The following MKX variants were observed in gnomAD, a reference collection of about 807,000 sequenced individuals.
MKX encodes mohawk homeobox, also known as homeobox protein Mohawk.
In MKX, 13 loss-of-function variants were observed where a neutral mutation model predicts 36.0. That is an observed-to-expected ratio of 0.36 (90% CI 0.24 to 0.57). The LOEUF (loss-of-function observed/expected upper bound fraction) is 0.57. Among genes scored for constraint, MKX ranks in the 20% least tolerant of loss-of-function variants. The pLI is 0.79. For synonymous variants in MKX, 176 were observed against 178.3 expected, an observed-to-expected ratio of 0.99 and a Z score of 0.10; for missense variants, 458 against 456.4, an observed-to-expected ratio of 1.00 and a Z score of -0.03.
At chr10:27,694,785 T>C (rs1836523879) in intron 5 of MKX, among the ~76,000 whole-genome samples, 1 of 151,270 alleles carries the variant, frequency 6.6e-6, no homozygotes, top group South Asian at 2.1e-4. Context: ...AAACAGATAG[T>C]AGTTACTGCC....
chr10:27,685,584 G>A (rs558612949), intron 5 of MKX, among the ~76,000 whole-genome samples: 3 of 152,144 alleles, frequency 2.0e-5, no homozygotes, highest in Non-Finnish European at 2.9e-5. Context: ...GAGTAGCTGG[G>A]ACTACAGGCG....
chr10:27,685,575 A>C (rs2132500029), intron 5 of MKX, among the ~76,000 whole-genome samples: 1 of 151,800 alleles, frequency 6.6e-6, no homozygotes, highest in East Asian at 1.9e-4. Context: ...CAGCCTCCCG[A>C]GTAGCTGGGA....
chr10:27,723,858 A>AT (rs1834430787), intron 5 of MKX, among the ~76,000 whole-genome samples: 1 of 152,196 alleles, frequency 6.6e-6, no homozygotes, highest in African/African-American at 2.4e-5. Context: ...TGTCTCTGCC[A>AT]TACTGGGAGA....
intron 3 of MKX, among the ~76,000 whole-genome samples, chr10:27,739,022 A>G (rs1203177604): frequency 6.6e-6 from 1 of 152,144 alleles, no homozygotes; most frequent in Non-Finnish European, 1.5e-5. Flanking sequence ...CAGAGGAGAC[A>G]GAATCTAGGA....
At chr10:27,739,032 A>T (rs890221475) in intron 3 of MKX, among the ~76,000 whole-genome samples, 4 of 152,128 alleles carry the variant, frequency 2.6e-5, no homozygotes, top group African/African-American at 9.6e-5. Context: ...AGAATCTAGG[A>T]ACATAGCAGT....
At chr10:27,736,344 G>GA (rs1834776531) in intron 3 of MKX, among the ~76,000 whole-genome samples, 1 of 151,382 alleles carries the variant, frequency 6.6e-6, no homozygotes, top group Non-Finnish European at 1.5e-5. Flanking sequence ...TGAAGGCAAA[G>GA]AAAGAAATAT....
chr10:27,707,174 C>T (rs1164643659), intron 5 of MKX, among the ~76,000 whole-genome samples: 2 of 148,268 alleles, frequency 1.3e-5, no homozygotes, highest in African/African-American at 2.4e-5. Flanking sequence ...AAGATGTGCC[C>T]CAGGGGGTTA....
intron 5 of MKX, among the ~76,000 whole-genome samples, chr10:27,692,274 G>A (rs894135787): frequency 6.6e-6 from 1 of 152,116 alleles, no homozygotes; most frequent in African/African-American, 2.4e-5. Context: ...GTCAGGTGAG[G>A]TGGTAAAACA....
intron 5 of MKX, among the ~76,000 whole-genome samples, chr10:27,696,807 T>A (rs1836562734): frequency 6.6e-6 from 1 of 152,198 alleles, no homozygotes; most frequent in Admixed American, 6.5e-5. Flanking sequence ...AGTGTTTTAC[T>A]CTTAATGGCT....
intron 5 of MKX, among the ~76,000 whole-genome samples, chr10:27,677,938 T>C (rs926716934): frequency 6.6e-6 from 1 of 152,236 alleles, no homozygotes; most frequent in African/African-American, 2.4e-5. Flanking sequence ...CCTGGATGCT[T>C]AGCTATACCT....
At chr10:27,677,092 G>A (rs1030957914) in intron 5 of MKX, among the ~76,000 whole-genome samples, 1 of 152,138 alleles carries the variant, frequency 6.6e-6, no homozygotes, top group Admixed American at 6.5e-5. Context: ...GCAAAGGAGT[G>A]GGGTTGAGAC....
intron 5 of MKX, among the ~76,000 whole-genome samples, chr10:27,731,142 A>T (rs950614967): frequency 6.6e-6 from 1 of 151,796 alleles, no homozygotes; most frequent in African/African-American, 2.4e-5. Context: ...TCAAAAAAAA[A>T]AAAAAAAAGG....
At chr10:27,686,965 A>G (rs1836367099) in intron 5 of MKX, among the ~76,000 whole-genome samples, 1 of 150,254 alleles carries the variant, frequency 6.7e-6, no homozygotes, top group African/African-American at 2.4e-5. Flanking sequence ...AGTCCCCCCA[A>G]CTAGCTCCTG....
intron 5 of MKX, among the ~76,000 whole-genome samples, chr10:27,702,745 A>G (rs1836679938): frequency 1.3e-5 from 2 of 152,200 alleles, no homozygotes; most frequent in Admixed American, 6.5e-5. Flanking sequence ...CAGCTGAATC[A>G]AACTTCTATG....
At position 27,742,570 on chromosome 10, in the gene MKX, C is replaced by T. The variant is rs534763360; in HGVS notation, c.188+658G>A. Among the ~76,000 whole-genome samples, 29 of 152,042 alleles carry T rather than the reference C, an allele frequency of 1.9e-4. No homozygotes were observed. Among genetic ancestry groups the T allele is most frequent in the African/African-American group, 7.0e-4 (29 of 41,510 alleles). On this transcript the variant is annotated intron_variant, in intron 2 of 6. Transcript: ENST00000419761. This position sits in a 1 kb window ranked among gnomAD's most constrained non-coding sequence, Gnocchi z 4.2. ...CCGGATCGGGCCAGGCAGAGCCTGC[C>T]CTCCACTCACCGGCAGTCTGAGCAG...
At chr10:27,706,545 C>CTGTGTG (rs60800576) in intron 5 of MKX, among the ~76,000 whole-genome samples, 2,896 of 144,938 alleles carry the variant, frequency 0.02, 36 homozygotes, top group East Asian at 0.054. Context: ...TCGTTAATTC[C>CTGTGTG]TGTGTGTGTG....
rs150985766 is a variant in MKX, at chr10:27,702,254, C to T, written c.839-26700G>A. Among the ~76,000 whole-genome samples, 516 of 152,200 alleles carry T rather than the reference C, an allele frequency of 3.4e-3. 4 individuals are homozygous for T. The highest frequency in any genetic ancestry group is 0.012 in the African/African-American group (499 of 41,526). On this transcript the variant is annotated intron_variant, in intron 5 of 6. Coordinates refer to ENST00000419761, the MANE Select transcript of MKX (RefSeq NM_173576.3). ...GAAAAACAACTTTCCCAGCTGGATA[C>T]GAGGTCCTAAGAGAGAGAGCTGTCT...
intron 5 of MKX, among the ~76,000 whole-genome samples, chr10:27,707,513 G>A (rs372699271): frequency 2.6e-5 from 4 of 152,080 alleles, no homozygotes; most frequent in Admixed American, 6.5e-5. Flanking sequence ...GCCCAAGGTC[G>A]TGGTCCTGGG....
intron 5 of MKX, among the ~76,000 whole-genome samples, chr10:27,684,329 T>A (rs547395021): frequency 1.6e-4 from 24 of 151,884 alleles, no homozygotes; most frequent in African/African-American, 4.8e-4. Flanking sequence ...AAGAAAAAAA[T>A]ATATATATAT....
Sources: gnomAD v4.1 joint callset for allele counts (sites outside exome capture counted in the v4.1 genomes callset) on GRCh38, gnomAD v4.1.1 for gene constraint, Gnocchi (gnomAD v3.1) non-coding constraint, MANE v1.5 for transcripts, NCBI Gene and HGNC (gene_info 2026-07-23, HGNC 2026-07-21) for gene names.